The following SPEF2 variants were observed in gnomAD, a reference collection of about 807,000 sequenced individuals.
SPEF2 encodes sperm flagella and cilia-associated protein 2.
Under a neutral mutation model 224.6 loss-of-function variants are expected in SPEF2, and 187 were observed. That is an observed-to-expected ratio of 0.83 (90% CI 0.74 to 0.94). SPEF2 has a LOEUF of 0.94. Among genes scored for constraint, SPEF2 ranks in the 40% least tolerant of loss-of-function variants. The pLI, the probability that SPEF2 is intolerant of heterozygous loss-of-function variation, is 0.00. For missense variants in SPEF2, 2,170 were observed against 2,135.6 expected (o/e 1.02, Z -0.32); for synonymous variants, 715 against 707.3 (o/e 1.01, Z -0.17).
At chr5:35,735,479 T>G (rs1441639926) in intron 21 of SPEF2, among the ~76,000 whole-genome samples, 1 of 152,198 alleles carries the variant, frequency 6.6e-6, no homozygotes, top group Non-Finnish European at 1.5e-5. Flanking sequence ...AGTTTTCCAG[T>G]AACATGAGTT....
intron 20 of SPEF2, among the ~76,000 whole-genome samples, chr5:35,715,373 T>A (rs946196380): frequency 2.0e-5 from 3 of 151,934 alleles, no homozygotes; most frequent in Non-Finnish European, 4.4e-5. Flanking sequence ...AAATAAAACT[T>A]CCAGTTTTAA....
At chr5:35,622,850 TG>T (rs890756144) in intron 1 of SPEF2, among the ~76,000 whole-genome samples, 2 of 152,234 alleles carry the variant, frequency 1.3e-5, no homozygotes, top group African/African-American at 4.8e-5. Context: ...AAAAGACTGA[TG>T]CTCAATATTT....
At chr5:35,807,839 A>C in intron 36 of SPEF2, 1 of 1,522,650 alleles carries the variant, frequency 6.6e-7, no homozygotes, top group Non-Finnish European at 8.8e-7. Flanking sequence ...CTAAATGTGC[A>C]TCCACTATGG....
intron 15 of SPEF2, 123 bp from the exon 16 acceptor site, chr5:35,700,373 G>A: frequency 1.2e-6 from 1 of 854,106 alleles, no homozygotes; most frequent in South Asian, 1.8e-5. Flanking sequence ...TAGCTATGAA[G>A]TAATGAAATT....
chr5:35,804,766 A>T (rs746765343), intron 34 of SPEF2, among the ~76,000 whole-genome samples: 1 of 152,198 alleles, frequency 6.6e-6, no homozygotes, highest in Non-Finnish European at 1.5e-5. Flanking sequence ...TTTGGAAAGT[A>T]AGTTTCTCCC....
intron 21 of SPEF2, among the ~76,000 whole-genome samples, chr5:35,728,804 GAT>G (rs1033378114): frequency 4.6e-5 from 7 of 152,050 alleles, no homozygotes; most frequent in Non-Finnish European, 1.0e-4. Context: ...AGCATTAAGT[GAT>G]ATAATTATGG....
chr5:35,754,349 G>C (rs778036997), intron 24 of SPEF2, among the ~76,000 whole-genome samples: 1 of 152,188 alleles, frequency 6.6e-6, no homozygotes, highest in African/African-American at 2.4e-5. Context: ...ACCCAGCTCC[G>C]CCAAGACAAA....
At chr5:35,630,656 A>G (rs1744961329) in intron 2 of SPEF2, among the ~76,000 whole-genome samples, 1 of 152,124 alleles carries the variant, frequency 6.6e-6, no homozygotes, top group Non-Finnish European at 1.5e-5. Context: ...AGATTGGGCC[A>G]CTGCACTCCA....
intron 25 of SPEF2, among the ~76,000 whole-genome samples, chr5:35,760,132 C>CAG (rs1393371641): frequency 6.6e-6 from 1 of 152,178 alleles, no homozygotes; most frequent in East Asian, 1.9e-4. Context: ...GAGGCCGAGG[C>CAG]AGGCAGATCA....
At chr5:35,781,144 G>A (rs1454396268) in intron 30 of SPEF2, among the ~76,000 whole-genome samples, 1 of 148,514 alleles carries the variant, frequency 6.7e-6, no homozygotes, top group Admixed American at 6.7e-5. Flanking sequence ...AAACGGAGTT[G>A]TTTTTTTTTT....
intron 21 of SPEF2, among the ~76,000 whole-genome samples, chr5:35,732,813 AC>A (rs1745853867): frequency 6.6e-6 from 1 of 152,204 alleles, no homozygotes; most frequent in South Asian, 2.1e-4. Context: ...GATTTCAATT[AC>A]CCACAGTACA....
intron 16 of SPEF2, 136 bp from the exon 17 acceptor site, chr5:35,704,418 C>T (rs1164936077): frequency 9.0e-6 from 5 of 557,210 alleles, no homozygotes; most frequent in South Asian, 5.3e-5. Context: ...CTTTCAACAT[C>T]TTTTAAAATA....
chr5:35,805,451 T>C (rs1389836), intron 34 of SPEF2, among the ~76,000 whole-genome samples: 36,134 of 152,092 alleles, frequency 0.24, 4,524 homozygotes, highest in Middle Eastern at 0.28. Context: ...ATAGACTTGA[T>C]ACTTCTACTG....
At chr5:35,797,824 C>T (rs1409648067) in intron 33 of SPEF2, among the ~76,000 whole-genome samples, 2 of 152,156 alleles carry the variant, frequency 1.3e-5, no homozygotes, top group African/African-American at 2.4e-5. Context: ...ATCCTGGAGG[C>T]CAGAAGCCCT....
intron 20 of SPEF2, among the ~76,000 whole-genome samples, chr5:35,717,264 T>G (rs1300972731): frequency 4.6e-5 from 7 of 152,194 alleles, no homozygotes; most frequent in Admixed American, 4.6e-4. Context: ...CAGGGCATTT[T>G]GGCTGCAGAA....
In SPEF2 at chr5:35,792,368, C is replaced by T. The variant is rs146706966; in HGVS notation, c.4476C>T (p.Asp1492=). The T allele has an allele frequency of 1.4e-4, 233 of 1,613,708 alleles. No individual in the cohort carries two copies. In the African/African-American group the frequency reaches 2.9e-3, roughly 20 times the overall value. The change falls in exon 31 of 37, where the codon GAC becomes GAT. Residue 1492 remains aspartate (D), a synonymous_variant. Transcript: ENST00000356031. ...TAATAGGAAATAAAGCATTTACTGA[C>T]ATTCTGATCGATTTGGTGACCCTGA... is the stretch of plus-strand genomic sequence containing the variant. ...KGIIGNKAFT[D]ILIDLVTLNL...
intron 1 of SPEF2, among the ~76,000 whole-genome samples, 176 bp downstream of exon 1, chr5:35,618,231 C>T (rs950022551): frequency 3.9e-5 from 6 of 152,146 alleles, no homozygotes; most frequent in Non-Finnish European, 8.8e-5. Flanking sequence ...GCCCCAGGTC[C>T]GTCCCGCCAC....
In SPEF2 at chr5:35,704,584, A is replaced by G. The variant is rs199921255; in HGVS notation, c.2429A>G (p.Glu810Gly). Residue 810 changes from glutamate to glycine, a missense_variant, in exon 17 of 37, where the codon GAA becomes GGA. Glu to Gly is a moderately conservative substitution (Grantham distance 98). Coordinates refer to ENST00000356031, the MANE Select transcript of SPEF2 (RefSeq NM_024867.4). Reference sequence around the variant, plus strand: ...GAATTGTCCTATAAAACTGCTCACGAAGATATCAGTCAACGTGTAGCTGCT... The same window carrying G: ...GAATTGTCCTATAAAACTGCTCACGGAGATATCAGTCAACGTGTAGCTGCT... ...AEELSYKTAH[E>G]DISQRVAAEN... The G allele has an allele frequency of 2.0e-4, 320 of 1,612,624 alleles. No individual in the cohort carries two copies. Among genetic ancestry groups the G allele is most frequent in the Non-Finnish European group, 2.3e-4 (266 of 1,179,200 alleles).
Position 35,771,657 on chromosome 5 carries a change from C to A in SPEF2, c.3850C>A (p.Gln1284Lys), listed in dbSNP as rs1752876581. The stretch of plus-strand genomic sequence containing the variant: ...GCTTATGGAAGAAGAAAAAGAAAAC[C>A]AGCCAGCAGACCCCAAAGAAAAATC... The part of the protein sequence containing the change: ...QRLMEEEKEN[Q>K]PADPKEKSPQ... The change falls in exon 27 of 37, where the codon CAG (glutamine) becomes AAG (lysine). Residue 1284 changes from glutamine to lysine, a missense_variant. Transcript: ENST00000356031. The A allele has an allele frequency of 6.2e-7, 1 of 1,611,124 alleles. No individual in the cohort carries two copies. The highest frequency in any genetic ancestry group is 1.3e-5 in the African/African-American group (1 of 74,540).
Sources: gnomAD v4.1 joint callset for allele counts (sites outside exome capture counted in the v4.1 genomes callset) on GRCh38, gnomAD v4.1.1 for gene constraint, MANE v1.5 for transcripts, NCBI Gene and HGNC (gene_info 2026-07-23, HGNC 2026-07-21) for gene names.